The following COL25A1 variants were observed in gnomAD, a reference collection of about 807,000 sequenced individuals.
COL25A1 encodes the protein collagen alpha-1(XXV) chain.
COL25A1 carries 103 observed loss-of-function variants against 128.4 expected under a neutral mutation model. That is an observed-to-expected ratio of 0.80 (90% CI 0.68 to 0.94). COL25A1 has a LOEUF of 0.94. COL25A1 is among the 40% of genes least tolerant of loss of function. COL25A1 has a pLI of 0.00. For synonymous variants in COL25A1, 279 were observed against 277.2 expected (o/e 1.01, Z -0.06); for missense variants, 745 against 840.0 (o/e 0.89, Z 1.40).
In COL25A1 at chr4:108,837,415, T is replaced by TA. The variant is rs548560553; in HGVS notation, c.1656+4279dup. Among the ~76,000 whole-genome samples the TA allele has an allele frequency of 2.4e-4, 36 of 152,260 alleles. No individual in the cohort carries two copies. The South Asian group carries it at 4.6e-3, about 19-fold the overall frequency. ...TAAAGCCTCGTATTTAATAACAATT[T>TA]AAAAAAATCTCCATTTAGTTGTTGT... On this transcript the variant is annotated intron_variant, in intron 31 of 37. Transcript: ENST00000399132.
At chr4:109,287,397 AT>A (rs966245667) in intron 3 of COL25A1, among the ~76,000 whole-genome samples, 9 of 151,762 alleles carry the variant, frequency 5.9e-5, no homozygotes, top group Non-Finnish European at 1.2e-4. Flanking sequence ...AATAAAAAAA[AT>A]TTTTAAAGGC....
intron 13 of COL25A1, among the ~76,000 whole-genome samples, chr4:108,903,120 A>T (rs56136478): frequency 0.035 from 5,290 of 152,076 alleles, 157 homozygotes; most frequent in Middle Eastern, 0.068. Flanking sequence ...ATTTTGAAGC[A>T]AGGAAGAGAA....
chr4:109,214,420 A>G (rs1777822744), intron 3 of COL25A1, among the ~76,000 whole-genome samples: 1 of 152,100 alleles, frequency 6.6e-6, no homozygotes, highest in Non-Finnish European at 1.5e-5. Flanking sequence ...CACCAAGTCA[A>G]TCTACATTGT....
At chr4:109,017,494 A>G (rs946011675) in intron 5 of COL25A1, among the ~76,000 whole-genome samples, 1 of 152,250 alleles carries the variant, frequency 6.6e-6, no homozygotes, top group African/African-American at 2.4e-5. Context: ...GGTTGCCAGT[A>G]AGTGCTAACA....
rs141155183 is a variant in COL25A1 at position 109,172,404 on chromosome 4, C to T, written c.368-122225G>A. Among the ~76,000 whole-genome samples the T allele has an allele frequency of 4.1e-3, 617 of 152,182 alleles. 3 individuals are homozygous for T. The highest frequency in any genetic ancestry group is 6.5e-3 in the Non-Finnish European group (440 of 68,012). On this transcript the variant is annotated intron_variant, in intron 3 of 37. Coordinates refer to ENST00000399132, the MANE Select transcript of COL25A1 (RefSeq NM_198721.4). ...TGGGAGTGGGAGGCAGAAAAGGCAT[C>T]CCTGAGGCAGTAATGTCTAAGTTGG...
chr4:109,230,570 T>C (rs1196148664), intron 3 of COL25A1, among the ~76,000 whole-genome samples: 1 of 152,200 alleles, frequency 6.6e-6, no homozygotes, highest in Non-Finnish European at 1.5e-5. Context: ...GCTATAAAAC[T>C]TAACAATGAT....
At chr4:108,856,295 A>T (rs765767288) in intron 24 of COL25A1, among the ~76,000 whole-genome samples, 18 of 152,210 alleles carry the variant, frequency 1.2e-4, no homozygotes, top group Non-Finnish European at 2.5e-4. Flanking sequence ...AATAAAAATA[A>T]ATAGCTTATG....
chr4:109,090,426 G>C (rs940369219), intron 3 of COL25A1, among the ~76,000 whole-genome samples: 5 of 152,222 alleles, frequency 3.3e-5, no homozygotes, highest in African/African-American at 1.2e-4. Flanking sequence ...GAGAGTATCT[G>C]TCATCAGTCA....
chr4:108,809,745 C>T lies in COL25A1; in HGVS notation c.*4182G>A, dbSNP rs897620693. 1 of 151,926 alleles carries T rather than the reference C, an allele frequency of 6.6e-6. No homozygotes were observed. Among genetic ancestry groups the T allele is most frequent in the Non-Finnish European group, 1.5e-5 (1 of 67,882 alleles). The allele number at this position is 151,926 out of a possible 1,614,324, so 9.4% of individuals were successfully genotyped here. A position where few individuals can be genotyped will look rare whatever the true frequency, so the allele number is the denominator to read the frequency against. ...ACAAATCTAGCCAATATAAAGATAT[C>T]CCAAGAAAAATGGGAAGAAGTAGGG... On this transcript the variant is annotated 3_prime_UTR_variant, in exon 38 of 38. Coordinates refer to ENST00000399132, the MANE Select transcript of COL25A1 (RefSeq NM_198721.4).
Position 108,901,100 on chromosome 4 carries a change from T to C in COL25A1, c.834+19A>G. ...AATTCGTGTGTCAAATGATTCTGCT[T>C]GGCTTTATTTGTACTAACCTTAGGT... On this transcript the variant is annotated intron_variant, in intron 14 of 37. Coordinates refer to ENST00000399132, the MANE Select transcript of COL25A1 (RefSeq NM_198721.4). 3.1e-6 allele frequency: 5 copies of C among 1,591,476 alleles called. No homozygotes were observed. Among genetic ancestry groups the C allele is most frequent in the Non-Finnish European group, 4.3e-6 (5 of 1,160,874 alleles).
At chr4:109,109,856 A>C (rs1200840424) in intron 3 of COL25A1, among the ~76,000 whole-genome samples, 1 of 152,222 alleles carries the variant, frequency 6.6e-6, no homozygotes, top group Admixed American at 6.5e-5. Flanking sequence ...CAGTGATGGC[A>C]TCCTCACTGA....
Position 108,813,893 on chromosome 4 carries a change from T to C in COL25A1, c.*34A>G. ...TATAAATATTAAAAATGGACCCTTATATACACAACTTCATGCTTGAAAGGT... is the reference window on the plus strand; with the variant it reads ...TATAAATATTAAAAATGGACCCTTACATACACAACTTCATGCTTGAAAGGT... On this transcript the variant is annotated 3_prime_UTR_variant, in exon 38 of 38. Transcript: ENST00000399132. The C allele has an allele frequency of 1.3e-6, 2 of 1,555,884 alleles. No individual in the cohort carries two copies. Among genetic ancestry groups the C allele is most frequent in the Non-Finnish European group, 8.8e-7 (1 of 1,132,644 alleles).
intron 3 of COL25A1, among the ~76,000 whole-genome samples, chr4:109,234,785 T>C (rs1779362548): frequency 6.6e-6 from 1 of 152,108 alleles, no homozygotes; most frequent in African/African-American, 2.4e-5. Flanking sequence ...GTTGAATCTC[T>C]ATAAGAACAG....
At chr4:109,177,480 G>A (rs1408850850) in intron 3 of COL25A1, among the ~76,000 whole-genome samples, 3 of 152,102 alleles carry the variant, frequency 2.0e-5, no homozygotes, top group Non-Finnish European at 4.4e-5. Context: ...ATTCTGACAG[G>A]TCTCCTCCTT....
At chr4:108,845,864 T>C (rs1480698601) in intron 28 of COL25A1, among the ~76,000 whole-genome samples, 1 of 152,192 alleles carries the variant, frequency 6.6e-6, no homozygotes, top group Non-Finnish European at 1.5e-5. Context: ...GCATACTAAA[T>C]TAAAGTGGCC....
chr4:108,939,517 T>C (rs1465998899), intron 10 of COL25A1, among the ~76,000 whole-genome samples: 1 of 152,142 alleles, frequency 6.6e-6, no homozygotes. Flanking sequence ...TATATGCATA[T>C]AAAAATGAAA....
Position 108,826,286 on chromosome 4 carries a change from C to T in COL25A1, c.1764+849G>A, listed in dbSNP as rs368197425. 7.2e-5 allele frequency among the ~76,000 whole-genome samples: 11 copies of T among 152,274 alleles called. No homozygotes were observed. The South Asian group carries it at 1.2e-3, about 17-fold the overall frequency. On this transcript the variant is annotated intron_variant, in intron 33 of 37. Coordinates refer to ENST00000399132, the MANE Select transcript of COL25A1 (RefSeq NM_198721.4). The stretch of plus-strand genomic sequence containing the variant: ...GGCGCAGTGTCTCACGCCTATAAAT[C>T]GAGCACTTTGAGAGGCCGAGAAGGG...
intron 18 of COL25A1, among the ~76,000 whole-genome samples, chr4:108,885,748 A>G (rs192469305): frequency 3.8e-4 from 58 of 152,324 alleles, no homozygotes; most frequent in African/African-American, 1.3e-3. Context: ...TACAATTAAT[A>G]AAAGTAAACG....
intron 3 of COL25A1, among the ~76,000 whole-genome samples, chr4:109,094,253 A>G (rs1765205786): frequency 6.6e-6 from 1 of 152,248 alleles, no homozygotes; most frequent in Non-Finnish European, 1.5e-5. Context: ...TGGATAAAAG[A>G]TAGTATTTAG....
Sources: allele counts gnomAD v4.1 joint callset (sites outside exome capture counted in the v4.1 genomes callset), GRCh38; gene constraint gnomAD v4.1.1; transcripts MANE v1.5; gene names NCBI Gene and HGNC (gene_info 2026-07-23, HGNC 2026-07-21).